Variants in PAPPA2 observed in about 807,000 individuals in gnomAD.
PAPPA2 encodes the protein pappalysin-2.
In PAPPA2, 86 loss-of-function variants were observed where a neutral mutation model predicts 176.4. The ratio of observed to expected loss-of-function variants is 0.49; its 90% CI spans 0.41 to 0.58. The LOEUF is 0.58. Among genes scored for constraint, PAPPA2 ranks in the 20% least tolerant of loss-of-function variants. The pLI, the probability that PAPPA2 is intolerant of heterozygous loss-of-function variation, is 0.00. For missense variants in PAPPA2, 2,073 were observed against 2,256.9 expected (o/e 0.92, Z 1.65); for synonymous variants, 809 against 852.2 (o/e 0.95, Z 0.88).
intron 4 of PAPPA2, among the ~76,000 whole-genome samples, chr1:176,677,061 C>G (rs1659338775): frequency 6.6e-6 from 1 of 152,046 alleles, no homozygotes; most frequent in East Asian, 1.9e-4. Context: ...CTGAACAGCT[C>G]ACAGATATGA....
intron 21 of PAPPA2, among the ~76,000 whole-genome samples, chr1:176,806,267 C>A (rs559147786): frequency 1.1e-4 from 16 of 152,252 alleles, no homozygotes; most frequent in African/African-American, 3.1e-4. Context: ...TCTATTCTTC[C>A]AGTAGTCTAC....
intron 3 of PAPPA2, among the ~76,000 whole-genome samples, chr1:176,610,134 G>A (rs1473415348): frequency 6.6e-6 from 1 of 151,978 alleles, no homozygotes; most frequent in Non-Finnish European, 1.5e-5. Flanking sequence ...ATAAAGCTGA[G>A]TACAATGAGC....
chr1:176,811,230 A>T (rs546292976), intron 21 of PAPPA2, among the ~76,000 whole-genome samples: 2 of 152,324 alleles, frequency 1.3e-5, no homozygotes, highest in African/African-American at 4.8e-5. Context: ...ATATCTGCAT[A>T]AAAAAACCAA....
intron 14 of PAPPA2, among the ~76,000 whole-genome samples, chr1:176,756,399 A>T (rs1334024231): frequency 6.6e-6 from 1 of 152,176 alleles, no homozygotes; most frequent in Admixed American, 6.5e-5. Flanking sequence ...GAAAATATGT[A>T]TGTAGGCGGA....
intron 14 of PAPPA2, among the ~76,000 whole-genome samples, chr1:176,748,308 T>C (rs997235214): frequency 6.6e-6 from 1 of 152,182 alleles, no homozygotes; most frequent in African/African-American, 2.4e-5. Context: ...GATACACAAA[T>C]AACTTGCTTG....
chr1:176,544,246 T>C (rs2102570709), intron 1 of PAPPA2, among the ~76,000 whole-genome samples: 1 of 152,332 alleles, frequency 6.6e-6, no homozygotes, highest in East Asian at 1.9e-4. Context: ...TGGACAAGTG[T>C]CTTAAGTAGT....
intron 3 of PAPPA2, among the ~76,000 whole-genome samples, chr1:176,600,001 TTTA>T (rs1407816846): frequency 1.3e-5 from 2 of 152,164 alleles, no homozygotes; most frequent in African/African-American, 4.8e-5. Flanking sequence ...GTGTTGAATC[TTTA>T]TTATTAAAAA....
At position 176,769,764 on chromosome 1, in the gene PAPPA2, T is replaced by C. The variant is rs1193236759; in HGVS notation, c.4481T>C (p.Val1494Ala). ...KFLKRCSISC[V>A]PPAKLQGLSP... ...CTGAAACGCTGCTCAATCTCTTGTG[T>C]CCCACCAGCCAAGCTGCAAGGTATT... Residue 1494 changes from valine to alanine, a missense_variant, in exon 16 of 23, where the codon GTC becomes GCC. By Grantham distance (64) the Val-to-Ala change is moderately conservative (BLOSUM62 0). Around this residue, in one of 4 missense-constraint regions of PAPPA2, gnomAD observed 846 missense variants for 857.9 expected, o/e 0.99. Transcript: ENST00000367662. 4.4e-6 allele frequency: 7 copies of C among 1,608,594 alleles called. No individual in the cohort carries two copies. The highest frequency in any genetic ancestry group is 5.9e-6 in the Non-Finnish European group (7 of 1,178,484).
At chr1:176,717,610 C>A (rs1661435804) in intron 12 of PAPPA2, among the ~76,000 whole-genome samples, 1 of 152,210 alleles carries the variant, frequency 6.6e-6, no homozygotes, top group African/African-American at 2.4e-5. Context: ...CCTTCAAGTT[C>A]TTTCCTGGGC....
intron 1 of PAPPA2, among the ~76,000 whole-genome samples, chr1:176,465,596 C>G (rs1287562551): frequency 6.7e-6 from 1 of 149,888 alleles, no homozygotes; most frequent in Non-Finnish European, 1.5e-5. Flanking sequence ...TTTATTGTTT[C>G]TTTTCTACTG....
At chr1:176,671,770 A>G (rs547238585) in intron 4 of PAPPA2, among the ~76,000 whole-genome samples, 6 of 152,050 alleles carry the variant, frequency 3.9e-5, no homozygotes, top group Admixed American at 3.9e-4. Context: ...AGGGACATGG[A>G]TGAAATTGGA....
chr1:176,664,986 T>A (rs1238540930), intron 3 of PAPPA2, among the ~76,000 whole-genome samples: 1 of 151,800 alleles, frequency 6.6e-6, no homozygotes, highest in Non-Finnish European at 1.5e-5. Flanking sequence ...ACTGAGGGGG[T>A]GGAGTGAAGG....
chr1:176,740,132 A>G lies in PAPPA2; in HGVS notation c.4087A>G (p.Ile1363Val), dbSNP rs774781008. The G allele has an allele frequency of 2.9e-5, 47 of 1,613,634 alleles. No homozygotes were observed. In the Middle Eastern group the frequency reaches 4.9e-4, roughly 17 times the overall value. ...TGTGGCTCTAAGGACATCCTCCCGC[A>G]TTGGTCTTTCGGCTCCCAGTAACTG... ...SAVALRTSSR[I>V]GLSAPSNCIS... is the part of the protein sequence containing the mutation. The change falls in exon 14 of 23, where the codon ATT (isoleucine) becomes GTT (valine). Residue 1363 changes from isoleucine to valine, a missense_variant. Coordinates refer to ENST00000367662, the MANE Select transcript of PAPPA2 (RefSeq NM_020318.3).
intron 3 of PAPPA2, among the ~76,000 whole-genome samples, chr1:176,623,179 C>T (rs890155061): frequency 6.6e-6 from 1 of 152,124 alleles, no homozygotes. Flanking sequence ...TATTTTGTTC[C>T]GTTTATTATT....
intron 1 of PAPPA2, among the ~76,000 whole-genome samples, chr1:176,544,411 C>T (rs1650514456): frequency 6.6e-6 from 1 of 152,196 alleles, no homozygotes; most frequent in Admixed American, 6.5e-5. Context: ...CACTGATGGC[C>T]TATCTTAGAG....
rs937981045 is a variant in PAPPA2 at position 176,556,600 on chromosome 1, G to C, written c.278G>C (p.Gly93Ala). The change falls in exon 2 of 23, where the codon GGA becomes GCA. Residue 93 changes from glycine to alanine, a missense_variant. By Grantham distance (60) the Gly-to-Ala change is moderately conservative. Transcript: ENST00000367662. ...GGGGAGCAAGAAATCCATCATACAG[G>C]ACGCAGCAAACCAGACACTGAAGGA... ...PVGEQEIHHT[G>A]RSKPDTEGNA... 1 of 1,614,188 alleles carries C rather than the reference G, an allele frequency of 6.2e-7. No homozygotes were observed. The highest frequency in any genetic ancestry group is 1.7e-5 in the Admixed American group (1 of 60,026).
intron 1 of PAPPA2, among the ~76,000 whole-genome samples, chr1:176,534,043 G>T (rs886105579): frequency 6.6e-6 from 1 of 152,108 alleles, no homozygotes; most frequent in African/African-American, 2.4e-5. Context: ...ATACGTATTT[G>T]ATTATACAAA....
chr1:176,544,877 C>T (rs574139551), intron 1 of PAPPA2, among the ~76,000 whole-genome samples: 1 of 152,240 alleles, frequency 6.6e-6, no homozygotes, highest in South Asian at 2.1e-4. Context: ...TCCTGGCTTA[C>T]TGAAAAAGTA....
chr1:176,631,995 T>C (rs1362209275), intron 3 of PAPPA2, among the ~76,000 whole-genome samples: 1 of 152,136 alleles, frequency 6.6e-6, no homozygotes, highest in Non-Finnish European at 1.5e-5. Flanking sequence ...TGGAGATGTT[T>C]GTAGCCTAGA....
Sources: gnomAD v4.1 joint callset for allele counts (sites outside exome capture counted in the v4.1 genomes callset) on GRCh38, gnomAD v4.1.1 for gene constraint, gnomAD v4.1.1 regional missense constraint, MANE v1.5 for transcripts, NCBI Gene and HGNC (gene_info 2026-07-23, HGNC 2026-07-21) for gene names.